Variants in SEC61B observed in about 807,000 individuals in gnomAD.
SEC61B encodes SEC61 translocon subunit beta.
SEC61B carries 7 observed loss-of-function variants against 12.6 expected under a neutral mutation model. The observed-to-expected ratio is 0.55, with a 90% CI of 0.32 to 1.04. The LOEUF (loss-of-function observed/expected upper bound fraction) is 1.04. Ranked by LOEUF, SEC61B falls within the 50% of genes least tolerant of loss-of-function variation. The probability of loss-of-function intolerance (pLI) is 0.05; values close to 1 mark genes in which losing one functional copy is unlikely to be tolerated. For missense variants in SEC61B, 107 were observed against 130.1 expected, an observed-to-expected ratio of 0.82 and a Z score of 0.86; for synonymous variants, 54 against 50.1, an observed-to-expected ratio of 1.08 and a Z score of -0.33.
chr9:99,226,648 A>G (rs1828899714), intron 2 of SEC61B, among the ~76,000 whole-genome samples: 1 of 152,092 alleles, frequency 6.6e-6, no homozygotes, highest in African/African-American at 2.4e-5. Context: ...CCTTACCCCC[A>G]TATTGTACCA....
intron 2 of SEC61B, among the ~76,000 whole-genome samples, chr9:99,223,888 A>G (rs758821003): frequency 1.3e-5 from 2 of 152,174 alleles, no homozygotes; most frequent in Non-Finnish European, 2.9e-5. Context: ...TTTTGCCCCC[A>G]TAGCATTTTG....
chr9:99,227,265 CAAAAAAAAAAAAA>C (rs59719935), intron 2 of SEC61B, among the ~76,000 whole-genome samples: 6 of 10,738 alleles, frequency 5.6e-4, no homozygotes, highest in Non-Finnish European at 9.8e-4. Context: ...AACTCCATCT[CAAAAAAAAAAAAA>C]AAAAAAAAAA....
chr9:99,222,332 C>G lies in SEC61B; in HGVS notation c.-32C>G, dbSNP rs1314398319. The G allele has an allele frequency of 6.2e-7, 1 of 1,614,016 alleles. No homozygotes were observed. Among genetic ancestry groups the G allele is most frequent in the East Asian group, 2.2e-5 (1 of 44,880 alleles). On this transcript the variant is annotated 5_prime_UTR_variant, in exon 1 of 4. Transcript: ENST00000223641. ...GGGGCTCCGTAACTTTCTATCCGTC[C>G]GCGTCAGCGCCTTGCCACCCTCATC...
At chr9:99,222,739 C>T (rs1023301165) in intron 2 of SEC61B, 96 bp downstream of exon 2, 22 of 898,230 alleles carry the variant, frequency 2.4e-5, no homozygotes, top group Non-Finnish European at 3.4e-5. Context: ...TGAAGATTGA[C>T]AAAGGCAAAA....
At chr9:99,227,265 C>CAAAAAAAAAAAAAAAAAAAAA (rs59719935) in intron 2 of SEC61B, among the ~76,000 whole-genome samples, 1 of 10,738 alleles carries the variant, frequency 9.3e-5, no homozygotes, top group Non-Finnish European at 2.0e-4. Flanking sequence ...AACTCCATCT[C>CAAAAAAAAAAAAAAAAAAAAA]AAAAAAAAAA....
intron 2 of SEC61B, among the ~76,000 whole-genome samples, chr9:99,226,447 C>T (rs1828896477): frequency 6.6e-6 from 1 of 152,180 alleles, no homozygotes; most frequent in Non-Finnish European, 1.5e-5. Context: ...ATATGCCCTT[C>T]CCTTTTTCAA....
chr9:99,230,298 A>G, intron 3 of SEC61B, 39 bp from the exon 4 acceptor site: 3 of 1,330,310 alleles, frequency 2.3e-6, no homozygotes, highest in Non-Finnish European at 3.2e-6. Context: ...ATAGTATATT[A>G]TTACTAAAAG....
chr9:99,228,674 T>G (rs1448924033), intron 3 of SEC61B, among the ~76,000 whole-genome samples: 1 of 152,230 alleles, frequency 6.6e-6, no homozygotes, highest in Non-Finnish European at 1.5e-5. Flanking sequence ...TACAACTGTT[T>G]CCTGACTAAA....
intron 3 of SEC61B, 110 bp downstream of exon 3, chr9:99,228,110 A>C (rs1828919931): frequency 1.3e-6 from 1 of 775,648 alleles, no homozygotes; most frequent in African/African-American, 1.7e-5. Flanking sequence ...TTTACTGTAC[A>C]CAACAGCCTC....
At chr9:99,227,202 G>A (rs1173814504) in intron 2 of SEC61B, among the ~76,000 whole-genome samples, 2 of 143,522 alleles carry the variant, frequency 1.4e-5, no homozygotes, top group Non-Finnish European at 3.0e-5. Flanking sequence ...GGAGGCGGAG[G>A]TTGCAGTGAG....
rs148143457 is a variant in SEC61B at position 99,227,928 on chromosome 9, C to T, written c.131C>T (p.Ala44Val). The change falls in exon 3 of 4, where the codon GCA becomes GTA. Residue 44 changes from alanine (A) to valine (V), a missense_variant. By Grantham distance (64) the Ala-to-Val change is moderately conservative (BLOSUM62 0). Coordinates refer to ENST00000223641, the MANE Select transcript of SEC61B (RefSeq NM_006808.3). Reference sequence around the variant, plus strand: ...AATGCCAGCTGTGGGACAAGGAGTGCAGGCCGCACAACCTCGGCAGGCACC... The same window carrying T: ...AATGCCAGCTGTGGGACAAGGAGTGTAGGCCGCACAACCTCGGCAGGCACC... ...RKNASCGTRS[A>V]GRTTSAGTGG... is the part of the protein sequence containing the mutation. The T allele has an allele frequency of 1.3e-4, 211 of 1,613,914 alleles. 1 individual carries two copies. The highest frequency in any genetic ancestry group is 5.0e-5 in the Admixed American group (3 of 59,986).
intron 2 of SEC61B, among the ~76,000 whole-genome samples, chr9:99,225,233 A>T (rs1450107227): frequency 2.0e-5 from 3 of 152,258 alleles, no homozygotes. Context: ...TGGGAGATCA[A>T]ACGCAAGGAA....
intron 2 of SEC61B, among the ~76,000 whole-genome samples, chr9:99,224,600 A>G (rs1828875186): frequency 6.6e-6 from 1 of 152,246 alleles, no homozygotes; most frequent in African/African-American, 2.4e-5. Flanking sequence ...GGAGAACTGA[A>G]ACATTTGAAG....
chr9:99,222,399 C>T (rs768449324), intron 1 of SEC61B, 33 bp downstream of exon 1: 5 of 1,614,112 alleles, frequency 3.1e-6, no homozygotes, highest in South Asian at 2.2e-5. Context: ...CCCGCCTCTC[C>T]CAGAAGCCCT....
At chr9:99,229,796 G>A (rs1828937776) in intron 3 of SEC61B, among the ~76,000 whole-genome samples, 1 of 152,114 alleles carries the variant, frequency 6.6e-6, no homozygotes, top group South Asian at 2.1e-4. Flanking sequence ...GGTGTGTGGG[G>A]TATCCATTAC....
chr9:99,222,523 T>C (rs1828840471), intron 1 of SEC61B, 23 bp from the exon 2 acceptor site: 2 of 1,600,930 alleles, frequency 1.2e-6, no homozygotes, highest in Non-Finnish European at 1.7e-6. Flanking sequence ...CTCACCCGTC[T>C]GTCTGCTTGT....
intron 2 of SEC61B, among the ~76,000 whole-genome samples, chr9:99,226,189 A>C (rs534139731): frequency 2.0e-5 from 3 of 152,348 alleles, no homozygotes; most frequent in African/African-American, 7.2e-5. Context: ...CAATAGACCC[A>C]AATCATGGTT....
chr9:99,225,720 T>C (rs1395611757), intron 2 of SEC61B, among the ~76,000 whole-genome samples: 1 of 152,186 alleles, frequency 6.6e-6, no homozygotes, highest in Non-Finnish European at 1.5e-5. Context: ...TTCTAGGGGC[T>C]CTGGTTTTCA....
At position 99,229,559 on chromosome 9, in the gene SEC61B, G is replaced by A. The variant is rs1054610459; in HGVS notation, c.204-778G>A. On this transcript the variant is annotated intron_variant, in intron 3 of 3. Transcript: ENST00000223641. ...AGAATCTCACTGTGTTGCCCAGGCT[G>A]GTTTCTAACTCCTGGCCTCAGCCTC... Among the ~76,000 whole-genome samples, 4 of 152,144 alleles carry A rather than the reference G, an allele frequency of 2.6e-5. No homozygotes were observed. The South Asian group carries it at 8.3e-4, about 32-fold the overall frequency.
Sources: gnomAD v4.1 joint callset for allele counts (sites outside exome capture counted in the v4.1 genomes callset) on GRCh38, gnomAD v4.1.1 for gene constraint, MANE v1.5 for transcripts, NCBI Gene and HGNC (gene_info 2026-07-23, HGNC 2026-07-21) for gene names.